The following OPCML variants were observed in gnomAD, a reference collection of about 807,000 sequenced individuals.
OPCML encodes the protein opioid-binding protein/cell adhesion molecule.
A neutral mutation model predicts 37.8 loss-of-function variants in OPCML; 13 were observed. The ratio of observed to expected loss-of-function variants is 0.34; its 90% CI spans 0.22 to 0.55. OPCML has a LOEUF of 0.55. OPCML is among the 20% of genes least tolerant of loss of function. The pLI is 0.91. For missense variants in OPCML, 341 were observed against 435.6 expected (o/e 0.78, Z 1.93); for synonymous variants, 176 against 168.8 (o/e 1.04, Z -0.33).
intron 3 of OPCML, among the ~76,000 whole-genome samples, chr11:132,628,449 G>T (rs1187179487): frequency 6.6e-6 from 1 of 152,138 alleles, no homozygotes; most frequent in South Asian, 2.1e-4. Flanking sequence ...GGCATCTGGG[G>T]TCTTGCTGAC....
At position 133,476,582 on chromosome 11, in the gene OPCML, T is replaced by C. The variant is rs1037441820; in HGVS notation, c.61+55682A>G. Among the ~76,000 whole-genome samples the C allele has an allele frequency of 2.0e-5, 3 of 152,176 alleles. No homozygotes were observed. In the East Asian group the frequency reaches 5.8e-4, roughly 29 times the overall value. On this transcript the variant is annotated intron_variant, in intron 1 of 7. Transcript: ENST00000524381. ...CATGTATTCATTCAACAGAAATACATTGGGCATTTGTGATGTGTTGGACCC... is the reference window on the plus strand; with the variant it reads ...CATGTATTCATTCAACAGAAATACACTGGGCATTTGTGATGTGTTGGACCC...
intron 1 of OPCML, among the ~76,000 whole-genome samples, chr11:133,476,060 A>T (rs975211762): frequency 6.6e-6 from 1 of 152,184 alleles, no homozygotes; most frequent in Non-Finnish European, 1.5e-5. Context: ...TGGCCCAGAC[A>T]GGGCTCTCCC....
Position 132,861,829 on chromosome 11 carries a change from C to T in OPCML, c.146+81097G>A, listed in dbSNP as rs1392104589. Among the ~76,000 whole-genome samples, 19 of 146,240 alleles carry T rather than the reference C, an allele frequency of 1.3e-4. 1 individual carries two copies. Among genetic ancestry groups the T allele is most frequent in the Admixed American group, 1.2e-3 (17 of 14,672 alleles). On this transcript the variant is annotated intron_variant, in intron 2 of 7. Coordinates refer to ENST00000524381, the MANE Select transcript of OPCML (RefSeq NM_001012393.5). ...CAGCCTGGGCAACAGAGTGAGACTC[C>T]ATCTCAAATAAAAAAAAAAAAAAAA...
chr11:133,358,700 C>T (rs552762086), intron 1 of OPCML, among the ~76,000 whole-genome samples: 6 of 152,244 alleles, frequency 3.9e-5, no homozygotes, highest in South Asian at 2.1e-4. Flanking sequence ...GAGGATGAGA[C>T]AGTGGGGTAA....
At chr11:133,240,301 T>G (rs1273109219) in intron 1 of OPCML, among the ~76,000 whole-genome samples, 1 of 152,082 alleles carries the variant, frequency 6.6e-6, no homozygotes, top group Admixed American at 6.5e-5. Flanking sequence ...TCCATAATGT[T>G]GTATTTATCG....
At chr11:132,525,128 C>G (rs1308570455) in intron 4 of OPCML, among the ~76,000 whole-genome samples, 2 of 152,016 alleles carry the variant, frequency 1.3e-5, no homozygotes, top group African/African-American at 4.8e-5. Context: ...GTATTTTTTC[C>G]TTCATTATAT....
In OPCML at chr11:132,676,001, GA is replaced by G. The variant is rs538782679; in HGVS notation, c.147-18683del. Reference sequence around the variant, plus strand: ...ACAGCCACACAATCTTGTAAAAGGAGAAAAAAGTTGGAGGAATCACACTTTC... The same window carrying G: ...ACAGCCACACAATCTTGTAAAAGGAGAAAAAGTTGGAGGAATCACACTTTC... On this transcript the variant is annotated intron_variant, in intron 2 of 7. Transcript: ENST00000524381. 9.7e-3 allele frequency among the ~76,000 whole-genome samples: 1,471 copies of G among 152,190 alleles called. 12 individuals carry two copies. Among genetic ancestry groups the G allele is most frequent in the Non-Finnish European group, 0.014 (939 of 67,942 alleles).
At chr11:133,263,195 T>C (rs1249361906) in intron 1 of OPCML, among the ~76,000 whole-genome samples, 1 of 152,092 alleles carries the variant, frequency 6.6e-6, no homozygotes, top group East Asian at 1.9e-4. Flanking sequence ...GACAATATCA[T>C]CTATTGGACG....
At chr11:132,670,244 T>C (rs1434535182) in intron 2 of OPCML, among the ~76,000 whole-genome samples, 1 of 152,208 alleles carries the variant, frequency 6.6e-6, no homozygotes, top group East Asian at 1.9e-4. Flanking sequence ...TGATATCTTT[T>C]TGAAGAATGG....
intron 2 of OPCML, among the ~76,000 whole-genome samples, chr11:132,882,411 T>C (rs1293945021): frequency 1.3e-5 from 2 of 152,170 alleles, no homozygotes; most frequent in East Asian, 1.9e-4. Context: ...GGAAGGAAGA[T>C]AGCAAGCATC....
chr11:133,240,384 A>T (rs912526290), intron 1 of OPCML, among the ~76,000 whole-genome samples: 2 of 152,136 alleles, frequency 1.3e-5, no homozygotes, highest in South Asian at 2.1e-4. Context: ...TCTTCTTCCC[A>T]CACATGGCTC....
At chr11:132,423,455 A>G (rs190426618) in intron 7 of OPCML, among the ~76,000 whole-genome samples, 1 of 152,338 alleles carries the variant, frequency 6.6e-6, no homozygotes, top group Non-Finnish European at 1.5e-5. Context: ...CCAAATGCCA[A>G]TGCGGTGAGG....
chr11:132,536,716 T>G (rs1591521102), intron 3 of OPCML, among the ~76,000 whole-genome samples: 1 of 152,216 alleles, frequency 6.6e-6, no homozygotes, highest in East Asian at 1.9e-4. Flanking sequence ...ATAGAAATGT[T>G]TATTTCTTAA....
intron 2 of OPCML, among the ~76,000 whole-genome samples, chr11:132,776,358 G>A (rs979067320): frequency 2.0e-5 from 3 of 152,032 alleles, no homozygotes; most frequent in African/African-American, 7.2e-5. Context: ...TTTCACAAAC[G>A]AAGACTGTAG....
chr11:133,300,350 C>G (rs942142529), intron 1 of OPCML: 1 of 139,966 alleles, frequency 7.1e-6, no homozygotes, highest in Non-Finnish European at 1.5e-5. Context: ...ATATTCAAGG[C>G]AAGGTGGTCT....
chr11:132,778,967 T>TA (rs1182590885), intron 2 of OPCML, among the ~76,000 whole-genome samples: 5 of 143,296 alleles, frequency 3.5e-5, no homozygotes, highest in African/African-American at 1.3e-4. Flanking sequence ...ATTTCTTTTT[T>TA]TTTTTTTTTT....
chr11:133,425,936 A>C (rs151288509), intron 1 of OPCML, among the ~76,000 whole-genome samples: 2,657 of 152,300 alleles, frequency 0.017, 74 homozygotes, highest in African/African-American at 0.06. Context: ...ATTTTCCTTT[A>C]AGAAAATACT....
At chr11:132,638,190 G>C (rs931768310) in intron 3 of OPCML, among the ~76,000 whole-genome samples, 24 of 82,720 alleles carry the variant, frequency 2.9e-4, no homozygotes, top group Middle Eastern at 5.8e-3. Flanking sequence ...TATATATACA[G>C]AGAGAGAGAG....
At chr11:132,430,115 T>C (rs1037965557) in intron 7 of OPCML, among the ~76,000 whole-genome samples, 11 of 152,188 alleles carry the variant, frequency 7.2e-5, no homozygotes, top group African/African-American at 2.6e-4. Flanking sequence ...ATGCGAATTC[T>C]CCCTCCCAGA....
Sources: allele counts gnomAD v4.1 joint callset (sites outside exome capture counted in the v4.1 genomes callset), GRCh38; gene constraint gnomAD v4.1.1; transcripts MANE v1.5; gene names NCBI Gene and HGNC (gene_info 2026-07-23, HGNC 2026-07-21).